The following KCNU1 variants were observed in gnomAD, a reference collection of about 807,000 sequenced individuals.
KCNU1 encodes the protein potassium channel subfamily U member 1.
A neutral mutation model predicts 126.8 loss-of-function variants in KCNU1; 93 were observed. That is an observed-to-expected ratio of 0.73 (90% CI 0.62 to 0.87). The LOEUF is 0.87. Ranked by LOEUF, KCNU1 falls within the 40% of genes least tolerant of loss-of-function variation. KCNU1 has a pLI of 0.00. For synonymous variants in KCNU1, 523 were observed against 494.2 expected, an observed-to-expected ratio of 1.06 and a Z score of -0.77; for missense variants, 1,330 against 1,367.1, an observed-to-expected ratio of 0.97 and a Z score of 0.43.
intron 1 of KCNU1, 131 bp from the exon 2 acceptor site, chr8:36,787,175 G>A: frequency 1.2e-5 from 9 of 725,366 alleles, no homozygotes; most frequent in Non-Finnish European, 1.9e-5. Flanking sequence ...CAACTTCAGG[G>A]TTCCCTGGTT....
intron 19 of KCNU1, among the ~76,000 whole-genome samples, chr8:36,900,643 T>G (rs1289275590): frequency 6.6e-6 from 1 of 152,064 alleles, no homozygotes; most frequent in Non-Finnish European, 1.5e-5. Flanking sequence ...AAGTCAGTTG[T>G]AAACTGAATA....
In KCNU1 at chr8:36,833,599, G is replaced by A; in HGVS notation, c.1152G>A (p.Leu384=). 1 of 1,612,240 alleles carries A rather than the reference G, an allele frequency of 6.2e-7. No individual in the cohort carries two copies. Among genetic ancestry groups the A allele is most frequent in the Non-Finnish European group, 8.5e-7 (1 of 1,178,746 alleles). The stretch of plus-strand genomic sequence containing the variant: ...TTGAAACCATATTTAAATGCTACTT[G>A]GCCTACACAACGTTCATTTCTGGAT... The part of the protein sequence containing the change: ...LELETIFKCY[L]AYTTFISGSA... The change falls in exon 11 of 27, where the codon TTG becomes TTA. Residue 384 remains leucine, a synonymous_variant. Coordinates refer to ENST00000399881, the MANE Select transcript of KCNU1 (RefSeq NM_001031836.3).
intron 20 of KCNU1, 145 bp from the exon 21 acceptor site, chr8:36,909,166 T>C (rs1159618918): frequency 7.9e-6 from 5 of 633,092 alleles, no homozygotes; most frequent in Non-Finnish European, 2.8e-6. Context: ...CTGTTTTTTA[T>C]AAACAATTTG....
At chr8:36,933,236 C>T in intron 26 of KCNU1, among the ~76,000 whole-genome samples, 1 of 152,024 alleles carries the variant, frequency 6.6e-6, no homozygotes, top group East Asian at 1.9e-4. Context: ...TTAATATTGG[C>T]TATATAAGAA....
chr8:36,906,594 A>G (rs1374357509), intron 20 of KCNU1, among the ~76,000 whole-genome samples: 1 of 152,126 alleles, frequency 6.6e-6, no homozygotes, highest in Non-Finnish European at 1.5e-5. Context: ...TGAACCCTAT[A>G]TATATTTTTT....
chr8:36,828,945 T>C (rs936783280), intron 10 of KCNU1, among the ~76,000 whole-genome samples: 1 of 152,116 alleles, frequency 6.6e-6, no homozygotes, highest in Admixed American at 6.6e-5. Flanking sequence ...TTATATGTTT[T>C]AAGCTTTGCA....
Position 36,864,470 on chromosome 8 carries a change from C to G in KCNU1, c.1958C>G (p.Ser653Cys). 6.2e-7 allele frequency: 1 copy of G among 1,613,264 alleles called. No homozygotes were observed. Among genetic ancestry groups the G allele is most frequent in the Admixed American group, 1.7e-5 (1 of 59,982 alleles). ...TCCTCTCGTATATCAGGGCAGGATT[C>G]TCCGCCAAGGGTATCTGCAAGCACT... The part of the protein sequence containing the change: ...GISSRISGQD[S>C]PPRVSASTSS... The change falls in exon 19 of 27, where the codon TCT becomes TGT. Residue 653 changes from serine to cysteine, a missense_variant. Ser to Cys is a moderately radical substitution (Grantham distance 112). This residue lies in a region of KCNU1 where 1,054 missense variants were observed against 1,053.9 expected (regional missense o/e 1.00). Coordinates refer to ENST00000399881, the MANE Select transcript of KCNU1 (RefSeq NM_001031836.3).
chr8:36,789,726 G>A (rs1225860482), intron 2 of KCNU1, among the ~76,000 whole-genome samples: 2 of 152,164 alleles, frequency 1.3e-5, no homozygotes, highest in East Asian at 1.9e-4. Flanking sequence ...GATCACAGTG[G>A]TGAGAGAAAA....
intron 10 of KCNU1, among the ~76,000 whole-genome samples, chr8:36,830,294 T>A (rs1417841093): frequency 6.6e-6 from 1 of 151,794 alleles, no homozygotes; most frequent in African/African-American, 2.4e-5. Flanking sequence ...TACTTCTCAT[T>A]TTTAAAAGCA....
rs1808831903 is a variant in KCNU1 at position 36,935,692 on chromosome 8, T to A, written c.3222T>A (p.Cys1074Ter). 1 of 1,613,416 alleles carries A rather than the reference T, an allele frequency of 6.2e-7. No homozygotes were observed. The highest frequency in any genetic ancestry group is 1.3e-5 in the African/African-American group (1 of 75,004). Residue 1074 changes from cysteine (C) to a stop codon, truncating the protein, a stop_gained, in exon 27 of 27, where the codon TGT becomes TGA. Transcript: ENST00000399881. LOFTEE classifies it low-confidence loss of function (END_TRUNC). ...QTTETHSDTNCPPTIDSVTET... is the reference protein window; with the variant it reads ...QTTETHSDTN ...CAGAGACACATTCAGACACAAATTG[T>A]CCTCCCACCATTGATTCAGTTACTG...
Position 36,935,893 on chromosome 8 carries a change from T to A in KCNU1, c.3423T>A (p.Asp1141Glu). The A allele has an allele frequency of 6.2e-7, 1 of 1,601,718 alleles. No homozygotes were observed. Among genetic ancestry groups the A allele is most frequent in the Non-Finnish European group, 8.5e-7 (1 of 1,174,176 alleles). ...CTTCAGATGAGGTTTATGATGAGGA[T>A]CCCTTTGCATATTCAGAGCCACTAT... is the stretch of plus-strand genomic sequence containing the variant. ...RKTSDEVYDE[D>E]PFAYSEPL is the part of the protein sequence containing the mutation. The change falls in exon 27 of 27, where the codon GAT becomes GAA. Residue 1141 changes from aspartate to glutamate, a missense_variant. By Grantham distance (45) the Asp-to-Glu change is conservative (BLOSUM62 2). Coordinates refer to ENST00000399881, the MANE Select transcript of KCNU1 (RefSeq NM_001031836.3).
chr8:36,848,490 CT>C (rs1373703147), intron 18 of KCNU1, among the ~76,000 whole-genome samples: 2 of 152,146 alleles, frequency 1.3e-5, no homozygotes, highest in Admixed American at 6.5e-5. Flanking sequence ...TAGTTTCATT[CT>C]TCTGCATATG....
In KCNU1 at chr8:36,927,174, T is replaced by A. The variant is rs191637796; in HGVS notation, c.2737-3777T>A. 1.5e-3 allele frequency among the ~76,000 whole-genome samples: 222 copies of A among 152,292 alleles called. 1 individual carries two copies. The highest frequency in any genetic ancestry group is 3.5e-4 in the Non-Finnish European group (24 of 68,026). ...GAAATACTAAGGTTTTGTTTAAATTTTCAGGCAATTTTAAAAATTCTATCC... is the reference window on the plus strand; with the variant it reads ...GAAATACTAAGGTTTTGTTTAAATTATCAGGCAATTTTAAAAATTCTATCC... On this transcript the variant is annotated intron_variant, in intron 24 of 26. Coordinates refer to ENST00000399881, the MANE Select transcript of KCNU1 (RefSeq NM_001031836.3).
intron 18 of KCNU1, among the ~76,000 whole-genome samples, chr8:36,862,956 G>A (rs368559475): frequency 3.9e-4 from 59 of 152,166 alleles, no homozygotes; most frequent in African/African-American, 1.3e-3. Flanking sequence ...TTCCCTTCCC[G>A]AGCCATTCCC....
In KCNU1 at chr8:36,856,944, C is replaced by T. The variant is rs557471635; in HGVS notation, c.1892-7460C>T. On this transcript the variant is annotated intron_variant, in intron 18 of 26. Transcript: ENST00000399881. ...ACTGTTGTCAAAAAGCACCCTTGGG[C>T]TTGAAATTCTTGATACTCTGTTCCA... is the stretch of plus-strand genomic sequence containing the variant. Among the ~76,000 whole-genome samples, 4 of 152,354 alleles carry T rather than the reference C, an allele frequency of 2.6e-5. No individual in the cohort carries two copies. The South Asian group carries it at 8.3e-4, about 32-fold the overall frequency.
At chr8:36,840,730 A>G (rs1012288294) in intron 15 of KCNU1, among the ~76,000 whole-genome samples, 155 bp downstream of exon 15, 2 of 152,192 alleles carry the variant, frequency 1.3e-5, no homozygotes, top group African/African-American at 4.8e-5. Flanking sequence ...TACAGTTGGG[A>G]TGGGGCAATT....
Position 36,784,468 on chromosome 8 carries a change from A to C in KCNU1, c.58A>C (p.Thr20Pro), listed in dbSNP as rs1340648706. 6.2e-7 allele frequency: 1 copy of C among 1,613,936 alleles called. No individual in the cohort carries two copies. Among genetic ancestry groups the C allele is most frequent in the Admixed American group, 1.7e-5 (1 of 60,012 alleles). Residue 20 changes from threonine (T) to proline (P), a missense_variant, in exon 1 of 27, where the codon ACA (threonine) becomes CCA (proline). By Grantham distance (38) the Thr-to-Pro change is conservative. Transcript: ENST00000399881. ...GGAAGACTTGCCAAAAATGTCCTGC[A>C]CAACTGAGATCCAAGCAGCATTCAT... is the stretch of plus-strand genomic sequence containing the variant. The part of the protein sequence containing the change: ...TWEDLPKMSC[T>P]TEIQAAFILS...
chr8:36,921,242 T>G (rs1425877621), intron 23 of KCNU1, among the ~76,000 whole-genome samples: 4 of 152,116 alleles, frequency 2.6e-5, no homozygotes, highest in Non-Finnish European at 4.4e-5. Context: ...CCAGGTGACA[T>G]GAAGAGGGCC....
At chr8:36,835,772 A>T (rs905901557) in intron 12 of KCNU1, among the ~76,000 whole-genome samples, 1 of 152,206 alleles carries the variant, frequency 6.6e-6, no homozygotes, top group African/African-American at 2.4e-5. Context: ...ATCCAGATGA[A>T]CTTCCAATCT....
Sources: allele counts gnomAD v4.1 joint callset (sites outside exome capture counted in the v4.1 genomes callset), GRCh38; gene constraint gnomAD v4.1.1; regional missense constraint gnomAD v4.1.1; transcripts MANE v1.5; gene names NCBI Gene and HGNC (gene_info 2026-07-23, HGNC 2026-07-21).